Variants in SDK2 observed in about 807,000 individuals in gnomAD.
SDK2 encodes protein sidekick-2.
SDK2 carries 105 observed loss-of-function variants against 253.9 expected under a neutral mutation model. The observed-to-expected ratio is 0.41, with a 90% confidence interval of 0.35 to 0.49. SDK2 has a LOEUF of 0.49. Ranked by LOEUF, SDK2 falls within the 20% of genes least tolerant of loss-of-function variation. SDK2 has a pLI of 0.06. For missense variants in SDK2, 2,608 were observed against 3,003.0 expected, an observed-to-expected ratio of 0.87 and a Z score of 3.07; for synonymous variants, 1,249 against 1,234.9, an observed-to-expected ratio of 1.01 and a Z score of -0.24.
At chr17:73,493,947 G>A (rs1476609670) in intron 2 of SDK2, among the ~76,000 whole-genome samples, 2 of 152,170 alleles carry the variant, frequency 1.3e-5, no homozygotes, top group Non-Finnish European at 2.9e-5. Flanking sequence ...GTGTGATCCT[G>A]CAATCAAACA....
At chr17:73,403,825 C>T (rs1256594826) in intron 18 of SDK2, among the ~76,000 whole-genome samples, 3 of 152,198 alleles carry the variant, frequency 2.0e-5, no homozygotes, top group Admixed American at 6.5e-5. Flanking sequence ...AAATATCCTC[C>T]GTATTTCGAT....
chr17:73,516,515 G>GC (rs2064029323), intron 1 of SDK2: 1 of 152,412 alleles, frequency 6.6e-6, no homozygotes, highest in Non-Finnish European at 1.5e-5. Context: ...GGGCCCCAGA[G>GC]CACCCTAGCC....
chr17:73,482,476 G>A (rs541135597), intron 2 of SDK2, among the ~76,000 whole-genome samples: 4 of 152,202 alleles, frequency 2.6e-5, no homozygotes, highest in South Asian at 2.1e-4. Context: ...AGCCTCCCCC[G>A]CTTTGCCAGA....
At chr17:73,360,324 A>G (rs1338996530) in intron 39 of SDK2, among the ~76,000 whole-genome samples, 2 of 152,232 alleles carry the variant, frequency 1.3e-5, no homozygotes, top group Admixed American at 1.3e-4. Context: ...GGCCAGAAAG[A>G]AAAAGTGAAG....
At chr17:73,591,518 C>T (rs2045681626) in intron 1 of SDK2, among the ~76,000 whole-genome samples, 1 of 152,088 alleles carries the variant, frequency 6.6e-6, no homozygotes, top group African/African-American at 2.4e-5. Context: ...CCCTTCAGAC[C>T]CAAGGCTGTT....
chr17:73,348,819 G>A (rs1255704386), intron 43 of SDK2, 94 bp from the exon 44 acceptor site: 15 of 1,001,512 alleles, frequency 1.5e-5, no homozygotes, highest in African/African-American at 1.1e-4. Context: ...TGGGGAACAC[G>A]GATCCCTGCC....
intron 1 of SDK2, among the ~76,000 whole-genome samples, chr17:73,587,055 T>C (rs1159850532): frequency 6.6e-6 from 1 of 152,232 alleles, no homozygotes; most frequent in East Asian, 1.9e-4. Flanking sequence ...GTATGGTGCC[T>C]GGCCTGTGGC....
In SDK2 at chr17:73,492,330, C is replaced by A. The variant is rs1011214119; in HGVS notation, c.224+15108G>T. Among the ~76,000 whole-genome samples the A allele has an allele frequency of 3.3e-5, 5 of 152,264 alleles. No individual in the cohort carries two copies. In the South Asian group the frequency reaches 8.3e-4, roughly 25 times the overall value. On this transcript the variant is annotated intron_variant, in intron 2 of 44. Transcript: ENST00000392650. ...GGCCCGGCCGGCACGCTCCTGCAGG[C>A]AGGACCTCACTGTGCACTCCCAGGC... is the stretch of plus-strand genomic sequence containing the variant.
chr17:73,430,588 G>A lies in SDK2; in HGVS notation c.1506C>T (p.Pro502=), dbSNP rs1403308362. 3 of 1,584,184 alleles carry A rather than the reference G, an allele frequency of 1.9e-6. No individual in the cohort carries two copies. The highest frequency in any genetic ancestry group is 2.6e-6 in the Non-Finnish European group (3 of 1,164,504). ...TGCCCTTGATGACACTCTGATCCTG[G>A]GGGGGCTTGGTGATGCGGGTCCGAG... The part of the protein sequence containing the change: ...VWARTRITKP[P]QDQSVIKGTQ... The change falls in exon 12 of 45, where the codon CCC becomes CCT. Residue 502 remains proline, a synonymous_variant. Transcript: ENST00000392650.
intron 5 of SDK2, 27 bp from the exon 6 acceptor site, chr17:73,440,950 G>A (rs1005281846): frequency 6.7e-7 from 1 of 1,490,148 alleles, no homozygotes; most frequent in South Asian, 1.2e-5. Context: ...TGTTAGCTGG[G>A]GGCGAGGCTG....
chr17:73,548,594 C>T, intron 1 of SDK2, among the ~76,000 whole-genome samples: 1 of 152,250 alleles, frequency 6.6e-6, no homozygotes, highest in East Asian at 1.9e-4. Context: ...CTCTGCAGAC[C>T]AAGCTTGCTG....
Position 73,440,853 on chromosome 17 carries a change from G to A in SDK2, c.684C>T (p.Ala228=), listed in dbSNP as rs1388763508. The A allele has an allele frequency of 3.9e-6, 6 of 1,551,622 alleles. No homozygotes were observed. The highest frequency in any genetic ancestry group is 2.0e-5 in the Admixed American group (1 of 50,992). ...ACTCCAAGGTAACCTCTGAGGTGCC[G>A]GCCACCACGCTGGTGTTTTTAGGTG... ...IIPPKNTSVV[A]GTSEVTLECV... The change falls in exon 6 of 45, where the codon GCC becomes GCT. Residue 228 remains alanine (A), a synonymous_variant. Coordinates refer to ENST00000392650, the MANE Select transcript of SDK2 (RefSeq NM_001144952.2).
chr17:73,406,005 G>A (rs998340148), intron 18 of SDK2, among the ~76,000 whole-genome samples: 4 of 152,174 alleles, frequency 2.6e-5, no homozygotes, highest in Non-Finnish European at 2.9e-5. Flanking sequence ...TTACAGGCAT[G>A]AGCCACCGTG....
At chr17:73,552,587 G>A (rs778396676) in intron 1 of SDK2, among the ~76,000 whole-genome samples, 6 of 152,076 alleles carry the variant, frequency 3.9e-5, no homozygotes, top group Non-Finnish European at 5.9e-5. Flanking sequence ...TTAGCTTCTC[G>A]GCACTCAAGA....
Position 73,423,523 on chromosome 17 carries a change from C to T in SDK2, c.1761-1G>A. 3 of 1,549,260 alleles carry T rather than the reference C, an allele frequency of 1.9e-6. No individual in the cohort carries two copies. The highest frequency in any genetic ancestry group is 1.2e-5 in the South Asian group (1 of 80,430). On this transcript the variant is annotated splice_acceptor_variant, in intron 13 of 44. Coordinates refer to ENST00000392650, the MANE Select transcript of SDK2 (RefSeq NM_001144952.2). LOFTEE classifies it high-confidence loss of function. ...GTGCTCGGGCGCGTGGGGCAGTTGC[C>T]TGGAAAAGAGACACGTGGTCAGGCA...
At chr17:73,427,461 A>G (rs2063292180) in intron 12 of SDK2, among the ~76,000 whole-genome samples, 1 of 152,166 alleles carries the variant, frequency 6.6e-6, no homozygotes, top group Admixed American at 6.5e-5. Flanking sequence ...TCATGACAAG[A>G]CCATATGGCT....
chr17:73,435,689 C>T lies in SDK2; in HGVS notation c.1001-45G>A. The stretch of plus-strand genomic sequence containing the variant: ...CCACCGTCAACCTGCCTCCTGCCTC[C>T]TCTCCGCCTAGGAGGGGTGCTTGGG... On this transcript the variant is annotated intron_variant, in intron 8 of 44. Transcript: ENST00000392650. The surrounding 1 kb of genome is among the most constrained non-coding windows in gnomAD (Gnocchi z 5.7). 2 of 1,496,844 alleles carry T rather than the reference C, an allele frequency of 1.3e-6. No individual in the cohort carries two copies. Among genetic ancestry groups the T allele is most frequent in the Non-Finnish European group, 9.0e-7 (1 of 1,116,338 alleles). 92.7% of individuals were successfully genotyped at this position (1,496,844 alleles called of 1,614,324 possible).
chr17:73,380,123 C>T lies in SDK2; in HGVS notation c.4763-574G>A, dbSNP rs144955271. On this transcript the variant is annotated intron_variant, in intron 34 of 44. Coordinates refer to ENST00000392650, the MANE Select transcript of SDK2 (RefSeq NM_001144952.2). Reference sequence around the variant, plus strand: ...AGAAACGGGCGCAGTCACTGTCCCCCGTAGCTGAAAGTTTCTCCCACCCTC... The same window carrying T: ...AGAAACGGGCGCAGTCACTGTCCCCTGTAGCTGAAAGTTTCTCCCACCCTC... Among the ~76,000 whole-genome samples the T allele has an allele frequency of 3.7e-4, 56 of 152,256 alleles. 3 individuals carry two copies. The highest frequency in any genetic ancestry group is 2.9e-3 in the East Asian group (15 of 5,170).
intron 18 of SDK2, among the ~76,000 whole-genome samples, chr17:73,405,422 A>G (rs1336515851): frequency 2.4e-5 from 3 of 125,978 alleles, no homozygotes; most frequent in Admixed American, 8.1e-5. Flanking sequence ...CCTGGGCAAA[A>G]GAACAAAACT....
Sources: gnomAD v4.1 joint callset for allele counts (sites outside exome capture counted in the v4.1 genomes callset) on GRCh38, gnomAD v4.1.1 for gene constraint, Gnocchi (gnomAD v3.1) non-coding constraint, MANE v1.5 for transcripts, NCBI Gene and HGNC (gene_info 2026-07-23, HGNC 2026-07-21) for gene names.